SLC8A1: variants seen among roughly 807,000 people sequenced by gnomAD.
The protein encoded by SLC8A1 is solute carrier family 8 member A1.
In SLC8A1, 18 loss-of-function variants were observed where a neutral mutation model predicts 68.3. The ratio of observed to expected loss-of-function variants is 0.26; its 90% confidence interval spans 0.18 to 0.39. The LOEUF is 0.39. Among genes scored for constraint, SLC8A1 ranks in the 10% least tolerant of loss-of-function variants. The pLI, the probability that SLC8A1 is intolerant of heterozygous loss-of-function variation, is 1.00. For synonymous variants in SLC8A1, 475 were observed against 415.5 expected, an observed-to-expected ratio of 1.14 and a Z score of -1.74; for missense variants, 985 against 1,156.7, an observed-to-expected ratio of 0.85 and a Z score of 2.15.
At chr2:40,117,049 C>T (rs538449308) in intron 7 of SLC8A1, 5 of 152,266 alleles carry the variant, frequency 3.3e-5, no homozygotes, top group African/African-American at 1.2e-4. Flanking sequence ...AGGTGAAATA[C>T]TACATGTAAA....
chr2:40,113,470 A>T (rs189414241), exon 8 of SLC8A1: 1 of 152,890 alleles, frequency 6.5e-6, no homozygotes, highest in Admixed American at 6.5e-5. Flanking sequence ...TCCCAGTCCA[A>T]TCCTCCTGGG....
intron 2 of SLC8A1, among the ~76,000 whole-genome samples, chr2:40,397,616 G>A (rs1687399270): frequency 6.6e-6 from 1 of 152,106 alleles, no homozygotes; most frequent in African/African-American, 2.4e-5. Flanking sequence ...TCTTCTGAAT[G>A]CTAGCTGCAT....
intron 2 of SLC8A1, among the ~76,000 whole-genome samples, chr2:40,322,837 C>CAA (rs1027384333): frequency 6.6e-6 from 1 of 151,730 alleles, no homozygotes; most frequent in African/African-American, 2.4e-5. Context: ...CACACACACA[C>CAA]ACACACACAC....
In SLC8A1 at chr2:40,128,154, C is replaced by A. The variant is rs180721144; in HGVS notation, c.2437+11247G>T. Among the ~76,000 whole-genome samples the A allele has an allele frequency of 2.0e-5, 3 of 152,288 alleles. No homozygotes were observed. The East Asian group carries it at 5.8e-4, about 29-fold the overall frequency. ...GATTTCATATCTATAATATGCACTACCCCAAACAGATATTAAAATTTTTTA... is the reference window on the plus strand; with the variant it reads ...GATTTCATATCTATAATATGCACTAACCCAAACAGATATTAAAATTTTTTA... On this transcript the variant is annotated intron_variant, in intron 7 of 7. Coordinates refer to ENST00000406785, the Ensembl canonical transcript of SLC8A1.
At chr2:40,308,357 G>GT (rs1486865471) in intron 2 of SLC8A1, among the ~76,000 whole-genome samples, 1 of 152,150 alleles carries the variant, frequency 6.6e-6, no homozygotes, top group Non-Finnish European at 1.5e-5. Flanking sequence ...TACTTCATTT[G>GT]TTTTTTCTGC....
chr2:40,107,009 G>T (rs1179988993), exon 8 of SLC8A1: 2 of 152,118 alleles, frequency 1.3e-5, no homozygotes, highest in African/African-American at 4.8e-5. Flanking sequence ...GAGGGAAAAT[G>T]CTAGGGACAA....
rs201739617 is a variant in SLC8A1, at chr2:40,277,229, G to GTT, written c.1809-99376_1809-99375dup. 9.2e-3 allele frequency among the ~76,000 whole-genome samples: 1,382 copies of GTT among 149,624 alleles called. 19 individuals carry two copies. The highest frequency in any genetic ancestry group is 0.032 in the African/African-American group (1,303 of 40,896). On this transcript the variant is annotated intron_variant, in intron 2 of 7. Coordinates refer to ENST00000406785, the Ensembl canonical transcript of SLC8A1. ...CAAGTTACTTGCCCTCTCTATGCCT[G>GTT]TTTTTTTTTTATTTTTAAAACAGAG...
At chr2:40,360,292 T>C (rs982593333) in intron 2 of SLC8A1, among the ~76,000 whole-genome samples, 3 of 152,222 alleles carry the variant, frequency 2.0e-5, no homozygotes, top group Non-Finnish European at 4.4e-5. Context: ...AGTGCCAACC[T>C]TGCTTATCTA....
intron 2 of SLC8A1, among the ~76,000 whole-genome samples, chr2:40,321,228 A>G (rs72943131): frequency 0.01 from 1,540 of 152,270 alleles, 24 homozygotes; most frequent in African/African-American, 0.035. Context: ...TAATGACTTT[A>G]GCATCTCATG....
At chr2:40,311,068 C>G (rs577255165) in intron 2 of SLC8A1, among the ~76,000 whole-genome samples, 23 of 152,008 alleles carry the variant, frequency 1.5e-4, no homozygotes, top group Non-Finnish European at 2.6e-4. Context: ...TGTCTAAACA[C>G]CTGGGGTTCC....
chr2:40,139,682 G>T lies in SLC8A1; in HGVS notation c.2162-6C>A. On this transcript the variant is annotated splice_region_variant and splice_polypyrimidine_tract_variant and intron_variant, in intron 6 of 7. Transcript: ENST00000406785. The stretch of plus-strand genomic sequence containing the variant: ...ATCGTCGTCATCATCTTCCCCTAGA[G>T]AGAATGGAAGGAAGCACATTTCATC... The T allele has an allele frequency of 6.2e-7, 1 of 1,610,966 alleles. No homozygotes were observed. The highest frequency in any genetic ancestry group is 8.5e-7 in the Non-Finnish European group (1 of 1,177,876).
intron 7 of SLC8A1, 94 bp from the exon 11 acceptor site, chr2:40,115,723 C>T (rs937834073): frequency 4.1e-6 from 6 of 1,475,884 alleles, no homozygotes; most frequent in Non-Finnish European, 5.4e-6. Flanking sequence ...AGGACCCAAC[C>T]CTTAATATAA....
chr2:40,428,756 T>C (rs577937330), exon 2 of SLC8A1: 24 of 1,613,740 alleles, frequency 1.5e-5, no homozygotes, highest in Non-Finnish European at 1.7e-5. Flanking sequence ...GCTTCCAGTA[T>C]GCCATCTTCT....
rs142392777 is a variant in SLC8A1, at chr2:40,296,758, C to T, written c.1809-118903G>A. 6.4e-3 allele frequency among the ~76,000 whole-genome samples: 977 copies of T among 152,224 alleles called. 8 individuals carry two copies. The highest frequency in any genetic ancestry group is 0.022 in the African/African-American group (917 of 41,558). On this transcript the variant is annotated intron_variant, in intron 2 of 7. Coordinates refer to ENST00000406785, the Ensembl canonical transcript of SLC8A1. The stretch of plus-strand genomic sequence containing the variant: ...GACTAATCCCCCATCCTGTGGGAAA[C>T]GTTTGTTGATGCTGAAATTGCCATG...
intron 2 of SLC8A1, among the ~76,000 whole-genome samples, chr2:40,330,595 A>G (rs1391596946): frequency 2.0e-5 from 3 of 152,190 alleles, no homozygotes; most frequent in Non-Finnish European, 4.4e-5. Flanking sequence ...ACACACACAC[A>G]CCCATCAATA....
chr2:40,112,637 A>G (rs1256085992), exon 8 of SLC8A1: 1 of 146,182 alleles, frequency 6.8e-6, no homozygotes, highest in Non-Finnish European at 1.5e-5. Context: ...CTTCTAGGCT[A>G]GCTTTCCATT....
chr2:40,236,857 T>G (rs1394899009), intron 2 of SLC8A1, among the ~76,000 whole-genome samples: 3 of 151,232 alleles, frequency 2.0e-5, no homozygotes. Context: ...CCTTCGCTTA[T>G]GAAGCTTAGT....
At chr2:40,504,998 T>G (rs954570311) in intron 1 of SLC8A1, among the ~76,000 whole-genome samples, 1 of 152,010 alleles carries the variant, frequency 6.6e-6, no homozygotes, top group East Asian at 1.9e-4. Flanking sequence ...GGAAGTGATA[T>G]CTGTACTCCT....
chr2:40,331,806 T>A (rs1208100145), intron 2 of SLC8A1, among the ~76,000 whole-genome samples: 2 of 152,128 alleles, frequency 1.3e-5, no homozygotes, highest in African/African-American at 4.8e-5. Context: ...TTGGCCAGGC[T>A]GGTTTTGAAC....
Sources: allele counts gnomAD v4.1 joint callset (sites outside exome capture counted in the v4.1 genomes callset), GRCh38; gene constraint gnomAD v4.1.1; transcripts MANE v1.5; gene names NCBI Gene and HGNC (gene_info 2026-07-23, HGNC 2026-07-21).